Variants in NAALADL2 observed in about 807,000 individuals in gnomAD.
The protein encoded by NAALADL2 is inactive N-acetylated-alpha-linked acidic dipeptidase-like protein 2.
In NAALADL2, 76 loss-of-function variants were observed where a neutral mutation model predicts 87.2. That is an observed-to-expected ratio of 0.87 (90% CI 0.72 to 1.05). The LOEUF (loss-of-function observed/expected upper bound fraction) is 1.05. Ranked by LOEUF, NAALADL2 falls within the 50% of genes least tolerant of loss-of-function variation. NAALADL2 has a pLI of 0.00. For synonymous variants in NAALADL2, 354 were observed against 331.0 expected (o/e 1.07, Z -0.75); for missense variants, 1,089 against 945.8 (o/e 1.15, Z -1.99).
intron 1 of NAALADL2, among the ~76,000 whole-genome samples, chr3:174,927,666 C>A (rs1442440599): frequency 6.6e-5 from 10 of 152,094 alleles, no homozygotes; most frequent in Admixed American, 2.0e-4. Context: ...CCAATGAGAA[C>A]AAAGACACAA....
chr3:175,465,380 C>T (rs1237474067), intron 7 of NAALADL2, among the ~76,000 whole-genome samples: 1 of 150,598 alleles, frequency 6.6e-6, no homozygotes, highest in East Asian at 1.9e-4. Context: ...CCAAGCAAAA[C>T]TTTTGAGACA....
chr3:174,549,377 A>G (rs1376970589), intron 1 of NAALADL2, among the ~76,000 whole-genome samples: 1 of 152,204 alleles, frequency 6.6e-6, no homozygotes, highest in Non-Finnish European at 1.5e-5. Context: ...AGCCAGATGT[A>G]GACTCCTTGG....
At chr3:174,838,382 A>G (rs997233589) in intron 3 of NAALADL2, among the ~76,000 whole-genome samples, 1 of 152,202 alleles carries the variant, frequency 6.6e-6, no homozygotes, top group African/African-American at 2.4e-5. Context: ...CCCACGGCCA[A>G]CATAATACTG....
chr3:174,811,243 C>G (rs977694305), intron 3 of NAALADL2, among the ~76,000 whole-genome samples: 1 of 152,184 alleles, frequency 6.6e-6, no homozygotes, highest in African/African-American at 2.4e-5. Flanking sequence ...AAGAGGCACT[C>G]TGTCCTCCAG....
intron 3 of NAALADL2, among the ~76,000 whole-genome samples, chr3:174,834,231 CAA>C (rs1723065374): frequency 6.8e-6 from 1 of 147,394 alleles, no homozygotes; most frequent in Non-Finnish European, 1.5e-5. Flanking sequence ...AACAGAAGAG[CAA>C]AAGAGATTTG....
intron 13 of NAALADL2, chr3:175,773,288 C>T (rs1476226454): frequency 6.6e-6 from 1 of 152,080 alleles, no homozygotes; most frequent in Non-Finnish European, 1.5e-5. Flanking sequence ...AAAATAACTA[C>T]AGATGGTTTG....
chr3:174,617,800 G>T (rs980396242), intron 2 of NAALADL2, among the ~76,000 whole-genome samples: 3 of 151,598 alleles, frequency 2.0e-5, no homozygotes, highest in Non-Finnish European at 4.4e-5. Context: ...GGTGGGGAAT[G>T]GACTTATTTT....
At chr3:174,615,926 A>C (rs1720416989) in intron 2 of NAALADL2, among the ~76,000 whole-genome samples, 1 of 152,036 alleles carries the variant, frequency 6.6e-6, no homozygotes, top group Admixed American at 6.6e-5. Context: ...GAATATATGA[A>C]ATCAAATTCT....
At chr3:175,026,387 C>G (rs1008635028) in intron 1 of NAALADL2, among the ~76,000 whole-genome samples, 8 of 150,334 alleles carry the variant, frequency 5.3e-5, no homozygotes, top group Non-Finnish European at 8.8e-5. Flanking sequence ...TGACTCACAT[C>G]TGTAATCCCA....
chr3:175,198,633 G>C (rs1739357278), intron 2 of NAALADL2, among the ~76,000 whole-genome samples: 2 of 152,076 alleles, frequency 1.3e-5, no homozygotes, highest in Non-Finnish European at 2.9e-5. Context: ...GAGGGTTGCA[G>C]TGATAAACTA....
chr3:174,748,790 G>A (rs1734533470), intron 3 of NAALADL2, among the ~76,000 whole-genome samples: 1 of 152,076 alleles, frequency 6.6e-6, no homozygotes, highest in African/African-American at 2.4e-5. Context: ...TGTTAACAAG[G>A]TTTGACTAAA....
At chr3:174,865,401 T>C (rs1727027296) in intron 1 of NAALADL2, among the ~76,000 whole-genome samples, 1 of 152,010 alleles carries the variant, frequency 6.6e-6, no homozygotes, top group Non-Finnish European at 1.5e-5. Flanking sequence ...CTGAAATCCA[T>C]TCAATCTCTT....
At chr3:174,941,475 G>A (rs1301364072) in intron 1 of NAALADL2, among the ~76,000 whole-genome samples, 1 of 152,048 alleles carries the variant, frequency 6.6e-6, no homozygotes, top group Non-Finnish European at 1.5e-5. Context: ...ATATTCTGTT[G>A]TTTTGGGGTG....
chr3:174,725,011 G>C (rs1394734934), intron 2 of NAALADL2, among the ~76,000 whole-genome samples: 2 of 152,172 alleles, frequency 1.3e-5, no homozygotes, highest in Non-Finnish European at 2.9e-5. Context: ...CATGGAGGTA[G>C]TTTCAGCATA....
At chr3:174,716,309 G>A (rs1440789908) in intron 2 of NAALADL2, among the ~76,000 whole-genome samples, 2 of 151,188 alleles carry the variant, frequency 1.3e-5, no homozygotes, top group Non-Finnish European at 2.9e-5. Flanking sequence ...GAAGACTACT[G>A]TCACATCTAG....
intron 2 of NAALADL2, among the ~76,000 whole-genome samples, chr3:175,158,249 A>AT (rs1030349279): frequency 1.3e-5 from 2 of 152,032 alleles, no homozygotes; most frequent in Non-Finnish European, 2.9e-5. Context: ...AGGGTTACGG[A>AT]TTTTTTGCCC....
Position 175,447,219 on chromosome 3 carries a change from T to C in NAALADL2, c.1091-10T>C, listed in dbSNP as rs775414801. ...ACTAAGGATTATCTTCCTTTGTCTT[T>C]TGAATACAGATGAAAGTTTTAGACA... is the stretch of plus-strand genomic sequence containing the variant. On this transcript the variant is annotated splice_polypyrimidine_tract_variant and intron_variant, in intron 5 of 13. Transcript: ENST00000454872. 2.6e-6 allele frequency: 4 copies of C among 1,562,964 alleles called. No homozygotes were observed. In the South Asian group the frequency reaches 4.8e-5, roughly 19 times the overall value.
At chr3:174,745,313 A>T (rs1734148387) in intron 3 of NAALADL2, among the ~76,000 whole-genome samples, 1 of 152,116 alleles carries the variant, frequency 6.6e-6, no homozygotes, top group African/African-American at 2.4e-5. Context: ...TACTATAAAC[A>T]CCTCTACACA....
At chr3:175,535,690 A>G (rs1197575461) in intron 9 of NAALADL2, among the ~76,000 whole-genome samples, 1 of 152,142 alleles carries the variant, frequency 6.6e-6, no homozygotes, top group Non-Finnish European at 1.5e-5. Context: ...GCAGGAGGGA[A>G]ATGACATATT....
Sources: allele counts gnomAD v4.1 joint callset (sites outside exome capture counted in the v4.1 genomes callset), GRCh38; gene constraint gnomAD v4.1.1; transcripts MANE v1.5; gene names NCBI Gene and HGNC (gene_info 2026-07-23, HGNC 2026-07-21).